LINGO2: variants seen among roughly 807,000 people sequenced by gnomAD.
LINGO2 encodes leucine-rich repeat and immunoglobulin-like domain-containing nogo receptor-interacting protein 2.
LINGO2 carries 14 observed loss-of-function variants against 30.6 expected under a neutral mutation model. That is an observed-to-expected ratio of 0.46 (90% confidence interval 0.30 to 0.72). The LOEUF is 0.72. Ranked by LOEUF, LINGO2 falls within the 30% of genes least tolerant of loss-of-function variation. LINGO2 has a pLI of 0.07. For synonymous variants in LINGO2, 317 were observed against 288.5 expected (o/e 1.10, Z -1.00); for missense variants, 729 against 751.7 (o/e 0.97, Z 0.35).
At chr9:28,915,422 C>G in the LINGO2 span, among the ~76,000 whole-genome samples, 111,461 of 151,880 alleles carry the variant, frequency 0.73, 41,101 homozygotes, top group Non-Finnish European at 0.78. Flanking sequence ...GAGAATCTAC[C>G]TTAGTAACAT....
chr9:29,029,382 A>T, the LINGO2 span, among the ~76,000 whole-genome samples: 3,308 of 152,278 alleles, frequency 0.022, 116 homozygotes, highest in African/African-American at 0.074. Flanking sequence ...GCTGGTGCAC[A>T]GTAAGTATAG....
the LINGO2 span, among the ~76,000 whole-genome samples, chr9:28,958,748 G>A: frequency 1.3e-5 from 2 of 152,004 alleles, no homozygotes; most frequent in East Asian, 1.9e-4. Context: ...GGGAAGGGAG[G>A]GGGGAGAGGG....
chr9:28,915,825 A>G, the LINGO2 span, among the ~76,000 whole-genome samples: 1 of 152,230 alleles, frequency 6.6e-6, no homozygotes, highest in Non-Finnish European at 1.5e-5. Flanking sequence ...CAGAGGAGAC[A>G]GAATAAAGAA....
intron 5 of LINGO2, among the ~76,000 whole-genome samples, chr9:28,009,637 G>A (rs1371350406): frequency 6.6e-6 from 1 of 152,096 alleles, no homozygotes; most frequent in Non-Finnish European, 1.5e-5. Flanking sequence ...AGCCATCAGG[G>A]AAAGACAAAT....
intron 4 of LINGO2, among the ~76,000 whole-genome samples, chr9:28,052,160 A>G (rs147880276): frequency 2.4e-4 from 36 of 152,220 alleles, no homozygotes; most frequent in African/African-American, 8.4e-4. Context: ...GTTCCTCTGT[A>G]GTGAATTCAA....
chr9:28,259,409 C>T (rs1253724144), intron 4 of LINGO2, among the ~76,000 whole-genome samples: 1 of 151,842 alleles, frequency 6.6e-6, no homozygotes, highest in East Asian at 1.9e-4. Context: ...TCCTTTACCT[C>T]CTGGAGAGAT....
the LINGO2 span, among the ~76,000 whole-genome samples, chr9:28,776,128 G>C: frequency 1.3e-5 from 2 of 152,158 alleles, no homozygotes; most frequent in African/African-American, 4.8e-5. Flanking sequence ...TTTGTTATAA[G>C]TCAAAATCTA....
chr9:28,348,653 CAAG>C (rs909647179), intron 3 of LINGO2, among the ~76,000 whole-genome samples: 1 of 152,054 alleles, frequency 6.6e-6, no homozygotes, highest in African/African-American at 2.4e-5. Context: ...CACCACAGCT[CAAG>C]GAGGCCTGCC....
At chr9:28,110,009 A>C (rs1826725724) in intron 4 of LINGO2, among the ~76,000 whole-genome samples, 1 of 152,206 alleles carries the variant, frequency 6.6e-6, no homozygotes, top group Non-Finnish European at 1.5e-5. Flanking sequence ...ACAAGACTAC[A>C]GTAACCAAAA....
the LINGO2 span, among the ~76,000 whole-genome samples, chr9:29,201,542 A>C: frequency 6.6e-6 from 1 of 152,068 alleles, no homozygotes; most frequent in African/African-American, 2.4e-5. Flanking sequence ...TCTTTGTTCT[A>C]TAACCTATAA....
intron 1 of LINGO2, among the ~76,000 whole-genome samples, chr9:28,559,619 T>C (rs1405426883): frequency 6.6e-6 from 1 of 152,174 alleles, no homozygotes; most frequent in African/African-American, 2.4e-5. Flanking sequence ...CTTTTATTAT[T>C]TTCTTTCAAC....
At chr9:28,249,766 G>A (rs958725247) in intron 4 of LINGO2, among the ~76,000 whole-genome samples, 34 of 152,048 alleles carry the variant, frequency 2.2e-4, no homozygotes, top group African/African-American at 8.2e-4. Flanking sequence ...CATTCTTTTA[G>A]TCAGAAGTAA....
At chr9:28,176,395 T>C (rs561105739) in intron 4 of LINGO2, among the ~76,000 whole-genome samples, 2 of 152,340 alleles carry the variant, frequency 1.3e-5, no homozygotes, top group African/African-American at 4.8e-5. Context: ...ACTTTGTCTA[T>C]ACATCTATAG....
At chr9:29,067,756 A>G in the LINGO2 span, among the ~76,000 whole-genome samples, 1 of 40,804 alleles carries the variant, frequency 2.5e-5, no homozygotes, top group South Asian at 7.1e-4. Context: ...TATTTAAATG[A>G]AAAAAAAAAA....
At chr9:28,897,272 C>T in the LINGO2 span, among the ~76,000 whole-genome samples, 1 of 152,240 alleles carries the variant, frequency 6.6e-6, no homozygotes, top group East Asian at 1.9e-4. Flanking sequence ...AGAGAGCAGG[C>T]ATAAATCTGG....
the LINGO2 span, among the ~76,000 whole-genome samples, chr9:28,962,625 T>G: frequency 6.6e-6 from 1 of 151,936 alleles, no homozygotes. Context: ...CTGTATTAAC[T>G]GTAAAAGTTA....
the LINGO2 span, among the ~76,000 whole-genome samples, chr9:28,676,618 G>A: frequency 3.3e-5 from 5 of 152,032 alleles, no homozygotes; most frequent in African/African-American, 1.2e-4. Flanking sequence ...TTTAAAACAT[G>A]TGTTGTTGGT....
chr9:28,809,996 G>T, the LINGO2 span, among the ~76,000 whole-genome samples: 1 of 152,066 alleles, frequency 6.6e-6, no homozygotes, highest in Non-Finnish European at 1.5e-5. Context: ...GTTGTTCATT[G>T]TCTACCTAAA....
At chr9:28,974,207 C>T in the LINGO2 span, among the ~76,000 whole-genome samples, 1 of 152,018 alleles carries the variant, frequency 6.6e-6, no homozygotes, top group East Asian at 1.9e-4. Flanking sequence ...GAGATCGAGA[C>T]CAGCCTGGCC....
Sources: allele counts gnomAD v4.1 joint callset (sites outside exome capture counted in the v4.1 genomes callset), GRCh38; gene constraint gnomAD v4.1.1; transcripts MANE v1.5; gene names NCBI Gene and HGNC (gene_info 2026-07-23, HGNC 2026-07-21).